Variants in SPIDR observed in about 807,000 individuals in gnomAD.
SPIDR encodes the protein scaffold protein involved in DNA repair.
A neutral mutation model predicts 104.6 loss-of-function variants in SPIDR; 93 were observed. The observed-to-expected ratio is 0.89, with a 90% CI of 0.75 to 1.06. The LOEUF is 1.06. Among genes scored for constraint, SPIDR ranks in the 50% least tolerant of loss-of-function variants. The pLI is 0.00. For synonymous variants in SPIDR, 431 were observed against 416.9 expected (o/e 1.03, Z -0.41); for missense variants, 1,154 against 1,111.2 (o/e 1.04, Z -0.55).
intron 5 of SPIDR, among the ~76,000 whole-genome samples, chr8:47,301,563 G>A (rs1446103117): frequency 7.3e-5 from 11 of 150,362 alleles, no homozygotes; most frequent in African/African-American, 2.7e-4. Flanking sequence ...AGTTTGGCAT[G>A]TTTTTGCAGT....
intron 8 of SPIDR, among the ~76,000 whole-genome samples, chr8:47,551,560 A>C (rs534648598): frequency 6.6e-6 from 1 of 152,144 alleles, no homozygotes; most frequent in African/African-American, 2.4e-5. Context: ...ATTTGTGTAG[A>C]GGTGTTTATA....
chr8:47,434,467 A>G (rs1554691014), intron 7 of SPIDR, among the ~76,000 whole-genome samples: 1 of 152,210 alleles, frequency 6.6e-6, no homozygotes, highest in African/African-American at 2.4e-5. Context: ...GCCTTTTGGG[A>G]TATCTCTGAA....
chr8:47,595,483 A>G (rs1031648704), intron 8 of SPIDR, among the ~76,000 whole-genome samples: 6 of 46,520 alleles, frequency 1.3e-4, no homozygotes, highest in African/African-American at 6.1e-4. Flanking sequence ...TTGTTTGGGC[A>G]CTTTTTTGAG....
At chr8:47,563,520 A>G (rs534805235) in intron 8 of SPIDR, among the ~76,000 whole-genome samples, 1 of 152,266 alleles carries the variant, frequency 6.6e-6, no homozygotes, top group African/African-American at 2.4e-5. Context: ...TCCAAATCCC[A>G]TGTTCTCCAC....
chr8:47,571,849 T>C (rs2058561213), intron 8 of SPIDR, among the ~76,000 whole-genome samples: 2 of 152,230 alleles, frequency 1.3e-5, no homozygotes. Flanking sequence ...TCCTAAAATA[T>C]CTTATTGTAC....
chr8:47,468,157 A>C (rs1359795375), intron 8 of SPIDR, among the ~76,000 whole-genome samples: 1 of 152,202 alleles, frequency 6.6e-6, no homozygotes, highest in African/African-American at 2.4e-5. Context: ...AAGGAGGTGA[A>C]AGATCTCTAC....
rs1563425745 is a variant in SPIDR at position 47,263,507 on chromosome 8, G to A, written c.33+2516G>A. The stretch of plus-strand genomic sequence containing the variant: ...TAATTTTTTTTAAATTTTTATTAGA[G>A]ACAGGGTTTCACCGTGTTAGCCAGG... On this transcript the variant is annotated intron_variant, in intron 1 of 19. Coordinates refer to ENST00000297423, the MANE Select transcript of SPIDR (RefSeq NM_001080394.4). 2.6e-5 allele frequency among the ~76,000 whole-genome samples: 4 copies of A among 152,078 alleles called. No homozygotes were observed. In the South Asian group the frequency reaches 6.2e-4, roughly 24 times the overall value.
chr8:47,364,519 A>G (rs887795910), intron 5 of SPIDR, among the ~76,000 whole-genome samples: 2 of 152,118 alleles, frequency 1.3e-5, no homozygotes, highest in African/African-American at 4.8e-5. Flanking sequence ...AGAAGGAGGG[A>G]GTCATTCCAC....
intron 5 of SPIDR, among the ~76,000 whole-genome samples, chr8:47,299,654 G>A (rs1554575735): frequency 6.6e-6 from 1 of 152,150 alleles, no homozygotes; most frequent in African/African-American, 2.4e-5. Flanking sequence ...AGAGTTTTTA[G>A]CATGAAGGGT....
intron 3 of SPIDR, among the ~76,000 whole-genome samples, chr8:47,285,274 G>T (rs2038618995): frequency 6.6e-6 from 1 of 152,146 alleles, no homozygotes. Flanking sequence ...AAGTGACATG[G>T]AAGAGGTTCT....
In SPIDR at chr8:47,314,223, A is replaced by G. The variant is rs587701557; in HGVS notation, c.525+20193A>G. Among the ~76,000 whole-genome samples, 36 of 152,350 alleles carry G rather than the reference A, an allele frequency of 2.4e-4. 1 individual carries two copies. Among genetic ancestry groups the G allele is most frequent in the African/African-American group, 8.2e-4 (34 of 41,582 alleles). On this transcript the variant is annotated intron_variant, in intron 5 of 19. Transcript: ENST00000297423. The stretch of plus-strand genomic sequence containing the variant: ...CACTGCAAAGTTAAAGATATACATT[A>G]TAATTCCTAGAACAAACACTGGAAA...
chr8:47,463,134 G>A (rs563476926), intron 8 of SPIDR, among the ~76,000 whole-genome samples: 17 of 152,076 alleles, frequency 1.1e-4, no homozygotes, highest in East Asian at 7.7e-4. Flanking sequence ...TGAGGCAAGC[G>A]GATCATGAGG....
intron 8 of SPIDR, among the ~76,000 whole-genome samples, chr8:47,591,670 G>A (rs2061026746): frequency 6.6e-6 from 1 of 151,954 alleles, no homozygotes; most frequent in African/African-American, 2.4e-5. Flanking sequence ...AATAAAGTTA[G>A]ACTTGGCTAG....
At chr8:47,320,028 A>G (rs1241187288) in intron 5 of SPIDR, among the ~76,000 whole-genome samples, 1 of 152,126 alleles carries the variant, frequency 6.6e-6, no homozygotes, top group African/African-American at 2.4e-5. Context: ...TAACATCACA[A>G]TTAAAAGAAC....
intron 10 of SPIDR, among the ~76,000 whole-genome samples, chr8:47,626,745 C>G (rs1248224282): frequency 6.6e-6 from 1 of 152,146 alleles, no homozygotes; most frequent in East Asian, 1.9e-4. Flanking sequence ...ACAACAGGTG[C>G]TGGGGAGGAT....
intron 11 of SPIDR, among the ~76,000 whole-genome samples, chr8:47,686,274 G>T (rs561660597): frequency 6.6e-6 from 1 of 152,156 alleles, no homozygotes; most frequent in Non-Finnish European, 1.5e-5. Flanking sequence ...GGGGACACTG[G>T]GTAGCAGTAT....
At chr8:47,473,551 T>C (rs2075963738) in intron 8 of SPIDR, among the ~76,000 whole-genome samples, 2 of 152,182 alleles carry the variant, frequency 1.3e-5, no homozygotes, top group African/African-American at 4.8e-5. Flanking sequence ...CACTGCCATC[T>C]TTTTCCCAAC....
intron 7 of SPIDR, among the ~76,000 whole-genome samples, chr8:47,423,132 C>T (rs1037701573): frequency 6.6e-5 from 10 of 151,758 alleles, no homozygotes; most frequent in Non-Finnish European, 7.4e-5. Flanking sequence ...GGTGAAACCC[C>T]GTCTCTTCTA....
chr8:47,294,114 TCCTG>T, intron 5 of SPIDR, 84 bp downstream of exon 5: 2 of 1,511,182 alleles, frequency 1.3e-6, no homozygotes, highest in Non-Finnish European at 1.8e-6. Context: ...GTTTTTTTTT[TCCTG>T]TCCTTCCTCG....
Sources: gnomAD v4.1 joint callset for allele counts (sites outside exome capture counted in the v4.1 genomes callset) on GRCh38, gnomAD v4.1.1 for gene constraint, MANE v1.5 for transcripts, NCBI Gene and HGNC (gene_info 2026-07-23, HGNC 2026-07-21) for gene names.